THSD7B: variants seen among roughly 807,000 people sequenced by gnomAD.
The protein encoded by THSD7B is thrombospondin type 1 domain containing 7B, also known as thrombospondin type-1 domain-containing protein 7B.
A neutral mutation model predicts 213.6 loss-of-function variants in THSD7B; 138 were observed. The observed-to-expected ratio is 0.65, with a 90% CI of 0.56 to 0.74. The LOEUF (loss-of-function observed/expected upper bound fraction) is 0.74, where lower values mean the gene tolerates loss of function less well. THSD7B is among the 30% of genes least tolerant of loss of function. The pLI is 0.00. For missense variants in THSD7B, 1,931 were observed against 1,991.5 expected (o/e 0.97, Z 0.58); for synonymous variants, 742 against 687.0 (o/e 1.08, Z -1.25).
At chr2:137,490,638 T>C (rs974740695) in intron 15 of THSD7B, among the ~76,000 whole-genome samples, 10 of 152,282 alleles carry the variant, frequency 6.6e-5, no homozygotes, top group African/African-American at 2.4e-4. Context: ...GCAAAATCTA[T>C]AGTTTACATT....
At chr2:136,783,848 T>G (rs1681790785) in intron 1 of THSD7B, among the ~76,000 whole-genome samples, 1 of 152,200 alleles carries the variant, frequency 6.6e-6, no homozygotes, top group Non-Finnish European at 1.5e-5. Context: ...AGTTAGTTAA[T>G]CAGTGGTGTC....
At chr2:137,405,539 G>A (rs1686495588) in intron 12 of THSD7B, 74 bp from the exon 13 acceptor site, 2 of 1,415,640 alleles carry the variant, frequency 1.4e-6, no homozygotes, top group Non-Finnish European at 1.9e-6. Context: ...GGGGGATTCT[G>A]CTGTCTTGTC....
At chr2:137,173,095 G>A (rs1275435854) in intron 7 of THSD7B, among the ~76,000 whole-genome samples, 2 of 152,112 alleles carry the variant, frequency 1.3e-5, no homozygotes, top group Non-Finnish European at 2.9e-5. Flanking sequence ...GACTGTGAGA[G>A]TTAAATTAGT....
At chr2:137,575,999 A>G (rs924346422) in intron 17 of THSD7B, among the ~76,000 whole-genome samples, 1 of 152,062 alleles carries the variant, frequency 6.6e-6, no homozygotes, top group African/African-American at 2.4e-5. Context: ...ATACTTCAGA[A>G]TTATGCTGAG....
intron 12 of THSD7B, among the ~76,000 whole-genome samples, chr2:137,378,154 A>G (rs1037349402): frequency 6.6e-6 from 1 of 152,208 alleles, no homozygotes; most frequent in African/African-American, 2.4e-5. Flanking sequence ...AACAAAAAAA[A>G]GCCTGGTTGC....
intron 3 of THSD7B, among the ~76,000 whole-genome samples, chr2:137,069,689 T>A (rs998145162): frequency 3.9e-5 from 6 of 151,944 alleles, no homozygotes; most frequent in African/African-American, 1.4e-4. Context: ...GTTTTTTGTA[T>A]CTGCTGTTAA....
intron 9 of THSD7B, among the ~76,000 whole-genome samples, chr2:137,241,409 G>A (rs1264168327): frequency 6.6e-6 from 1 of 152,118 alleles, no homozygotes; most frequent in Non-Finnish European, 1.5e-5. Context: ...AAACTCTCTT[G>A]CTATTTGCTG....
chr2:136,796,881 A>G (rs1384193542), intron 1 of THSD7B, among the ~76,000 whole-genome samples: 2 of 151,666 alleles, frequency 1.3e-5, no homozygotes, highest in Non-Finnish European at 1.5e-5. Context: ...CTGCTTCTAT[A>G]TCTGGGACAT....
intron 2 of THSD7B, among the ~76,000 whole-genome samples, chr2:137,045,627 A>C (rs1449452594): frequency 6.6e-6 from 1 of 152,226 alleles, no homozygotes; most frequent in African/African-American, 2.4e-5. Context: ...GTATAATAGA[A>C]TCTGATATGC....
At chr2:136,797,568 T>C (rs1285765080) in intron 1 of THSD7B, among the ~76,000 whole-genome samples, 1 of 151,996 alleles carries the variant, frequency 6.6e-6, no homozygotes, top group Non-Finnish European at 1.5e-5. Flanking sequence ...TTATACATAA[T>C]GTTGTTCATG....
At chr2:137,037,035 T>C (rs1469547668) in intron 2 of THSD7B, among the ~76,000 whole-genome samples, 1 of 152,218 alleles carries the variant, frequency 6.6e-6, no homozygotes, top group Non-Finnish European at 1.5e-5. Context: ...TCTGACTCAG[T>C]GTTCCTAAAG....
intron 25 of THSD7B, among the ~76,000 whole-genome samples, chr2:137,662,947 C>G (rs536600729): frequency 1.3e-5 from 2 of 151,884 alleles, no homozygotes; most frequent in East Asian, 3.9e-4. Flanking sequence ...TGCCTATAAT[C>G]CCAGCTACTC....
Position 137,130,356 on chromosome 2 carries a change from C to G in THSD7B, c.1369+15063C>G, listed in dbSNP as rs117786084. Among the ~76,000 whole-genome samples, 1,092 of 152,060 alleles carry G rather than the reference C, an allele frequency of 7.2e-3. 7 individuals carry two copies. Among genetic ancestry groups the G allele is most frequent in the South Asian group, 0.023 (110 of 4,796 alleles). On this transcript the variant is annotated intron_variant, in intron 5 of 27. Coordinates refer to ENST00000409968, the MANE Select transcript of THSD7B (RefSeq NM_001316349.2). ...ATCTCCATAGTTACTAAAATCCTTA[C>G]TTTTCCCAAGCCTCACCTTTTTATT...
At chr2:137,104,040 C>T (rs1208066504) in intron 4 of THSD7B, among the ~76,000 whole-genome samples, 1 of 152,146 alleles carries the variant, frequency 6.6e-6, no homozygotes, top group Admixed American at 6.5e-5. Context: ...ACCTAATAGA[C>T]ATCTACAGAA....
rs568337607 is a variant in THSD7B at position 137,078,002 on chromosome 2, A to G, written c.951-16871A>G. Reference sequence around the variant, plus strand: ...TAATCCATCTTGAATTAATTTTTGTATAAGATGTAAGGAAGGGATCCAGTT... The same window carrying G: ...TAATCCATCTTGAATTAATTTTTGTGTAAGATGTAAGGAAGGGATCCAGTT... On this transcript the variant is annotated intron_variant, in intron 3 of 27. Coordinates refer to ENST00000409968, the MANE Select transcript of THSD7B (RefSeq NM_001316349.2). Among the ~76,000 whole-genome samples the G allele has an allele frequency of 6.6e-5, 10 of 152,326 alleles. No individual in the cohort carries two copies. In the East Asian group the frequency reaches 1.5e-3, roughly 23 times the overall value.
At chr2:137,398,538 C>T (rs925086012) in intron 12 of THSD7B, among the ~76,000 whole-genome samples, 23 of 151,906 alleles carry the variant, frequency 1.5e-4, no homozygotes, top group African/African-American at 3.6e-4. Context: ...TCTCCAGCTG[C>T]GTGCTGGGAG....
chr2:137,074,319 A>G (rs1231602753), intron 3 of THSD7B, among the ~76,000 whole-genome samples: 7 of 152,130 alleles, frequency 4.6e-5, no homozygotes, highest in East Asian at 3.9e-4. Context: ...TTGTTGAATT[A>G]ATCCCTTTAC....
intron 12 of THSD7B, among the ~76,000 whole-genome samples, chr2:137,405,068 GA>G (rs1343974640): frequency 6.6e-6 from 1 of 150,804 alleles, no homozygotes; most frequent in African/African-American, 2.4e-5. Context: ...GCTTGTGCTT[GA>G]AAAAAAATAA....
intron 2 of THSD7B, among the ~76,000 whole-genome samples, chr2:137,055,693 A>T (rs1397055305): frequency 6.6e-6 from 1 of 152,208 alleles, no homozygotes; most frequent in Non-Finnish European, 1.5e-5. Context: ...ATCAGTACCC[A>T]TCAGAAATCA....
Sources: gnomAD v4.1 joint callset for allele counts (sites outside exome capture counted in the v4.1 genomes callset) on GRCh38, gnomAD v4.1.1 for gene constraint, MANE v1.5 for transcripts, NCBI Gene and HGNC (gene_info 2026-07-23, HGNC 2026-07-21) for gene names.